The following SORCS3 variants were observed in gnomAD, a reference collection of about 807,000 sequenced individuals.
SORCS3 encodes the protein sortilin related VPS10 domain containing receptor 3.
In SORCS3, 57 loss-of-function variants were observed where a neutral mutation model predicts 146.3. That is an observed-to-expected ratio of 0.39 (90% CI 0.31 to 0.49). The LOEUF is 0.49. Ranked by LOEUF, SORCS3 falls within the 20% of genes least tolerant of loss-of-function variation. The pLI, the probability that SORCS3 is intolerant of heterozygous loss-of-function variation, is 0.92. For missense variants in SORCS3, 1,341 were observed against 1,575.5 expected, an observed-to-expected ratio of 0.85 and a Z score of 2.52; for synonymous variants, 653 against 618.5, an observed-to-expected ratio of 1.06 and a Z score of -0.83.
intron 4 of SORCS3, among the ~76,000 whole-genome samples, chr10:104,983,272 A>C (rs941105619): frequency 6.6e-6 from 1 of 151,138 alleles, no homozygotes; most frequent in Non-Finnish European, 1.5e-5. Flanking sequence ...AAATATTTGA[A>C]TTTACAGGTG....
chr10:104,713,622 C>G (rs1452296636), intron 1 of SORCS3, among the ~76,000 whole-genome samples: 3 of 152,160 alleles, frequency 2.0e-5, no homozygotes, highest in Non-Finnish European at 4.4e-5. Context: ...TTGAACCAAC[C>G]TTGCATATCT....
At chr10:105,059,693 GCTTGGGATCATCCATGTGA>G (rs1239298038) in intron 5 of SORCS3, among the ~76,000 whole-genome samples, 2 of 152,102 alleles carry the variant, frequency 1.3e-5, no homozygotes, top group African/African-American at 4.8e-5. Context: ...CAATCCCTTG[GCTTGGGATCATCCATGTGA>G]CTTGCTTTGG....
intron 1 of SORCS3, among the ~76,000 whole-genome samples, chr10:104,661,243 G>A (rs983194041): frequency 6.6e-6 from 1 of 152,044 alleles, no homozygotes; most frequent in African/African-American, 2.4e-5. Flanking sequence ...CCCAGAACAG[G>A]GGCCCATGGA....
At chr10:105,031,063 G>C (rs1362368455) in intron 4 of SORCS3, among the ~76,000 whole-genome samples, 5 of 151,504 alleles carry the variant, frequency 3.3e-5, no homozygotes, top group African/African-American at 7.3e-5. Flanking sequence ...GGGAGGCCGA[G>C]GTGGGCGGAT....
intron 4 of SORCS3, among the ~76,000 whole-genome samples, chr10:105,018,001 G>A (rs1056828053): frequency 6.6e-6 from 1 of 152,154 alleles, no homozygotes; most frequent in African/African-American, 2.4e-5. Flanking sequence ...ATGCTGTGTA[G>A]AGTAAGGAAT....
intron 5 of SORCS3, among the ~76,000 whole-genome samples, chr10:105,060,328 C>T (rs1361691592): frequency 6.6e-6 from 1 of 152,094 alleles, no homozygotes; most frequent in African/African-American, 2.4e-5. Flanking sequence ...AGTTCGGATT[C>T]TATGCTTGGA....
intron 5 of SORCS3, among the ~76,000 whole-genome samples, chr10:105,057,998 C>T (rs2055457399): frequency 6.6e-6 from 1 of 152,150 alleles, no homozygotes; most frequent in Admixed American, 6.5e-5. Flanking sequence ...GGGGCTTGTC[C>T]CACCTCCTCT....
chr10:104,727,442 G>A (rs767684316), intron 1 of SORCS3, among the ~76,000 whole-genome samples: 2 of 151,442 alleles, frequency 1.3e-5, no homozygotes, highest in Non-Finnish European at 2.9e-5. Flanking sequence ...CTATCCTTCT[G>A]TTTGTCCAGT....
At chr10:105,124,009 G>A (rs1338588662) in intron 7 of SORCS3, among the ~76,000 whole-genome samples, 1 of 152,166 alleles carries the variant, frequency 6.6e-6, no homozygotes, top group Non-Finnish European at 1.5e-5. Context: ...TTTTGCTTTT[G>A]AGACTAGGTC....
intron 5 of SORCS3, among the ~76,000 whole-genome samples, chr10:105,065,036 A>T (rs2055513397): frequency 6.6e-6 from 1 of 152,124 alleles, no homozygotes; most frequent in East Asian, 1.9e-4. Flanking sequence ...AAACTAAATC[A>T]CGTAGGGTGC....
At chr10:104,755,785 A>G (rs1274787516) in intron 1 of SORCS3, among the ~76,000 whole-genome samples, 1 of 152,192 alleles carries the variant, frequency 6.6e-6, no homozygotes, top group African/African-American at 2.4e-5. Context: ...GATGATGTAG[A>G]ATAATACCAT....
intron 14 of SORCS3, among the ~76,000 whole-genome samples, chr10:105,182,942 A>C (rs1283688254): frequency 6.6e-6 from 1 of 152,084 alleles, no homozygotes; most frequent in Non-Finnish European, 1.5e-5. Flanking sequence ...AGCTCAAGTG[A>C]TCTGCCCACC....
At chr10:104,654,609 C>T (rs2015602464) in intron 1 of SORCS3, among the ~76,000 whole-genome samples, 1 of 152,192 alleles carries the variant, frequency 6.6e-6, no homozygotes, top group Admixed American at 6.5e-5. Flanking sequence ...GTTTTGCTCT[C>T]ACATTGGCTT....
At chr10:104,741,696 C>G (rs1472980441) in intron 1 of SORCS3, among the ~76,000 whole-genome samples, 1 of 8,840 alleles carries the variant, frequency 1.1e-4, no homozygotes, top group African/African-American at 3.4e-4. Context: ...CCTTTCCATT[C>G]TGGGTTTTTT....
At chr10:104,977,542 T>G in intron 4 of SORCS3, 49 bp downstream of exon 4, 3 of 1,502,388 alleles carry the variant, frequency 2.0e-6, no homozygotes, top group Non-Finnish European at 2.7e-6. Context: ...GGTACCACCA[T>G]GTGAAAATCA....
chr10:105,006,202 A>G (rs1436184387), intron 4 of SORCS3, among the ~76,000 whole-genome samples: 1 of 152,164 alleles, frequency 6.6e-6, no homozygotes, highest in Non-Finnish European at 1.5e-5. Context: ...TCTGCCTTTC[A>G]AATTGCTGGG....
intron 12 of SORCS3, among the ~76,000 whole-genome samples, chr10:105,164,831 T>C (rs1469661056): frequency 1.3e-5 from 2 of 152,226 alleles, no homozygotes; most frequent in Non-Finnish European, 2.9e-5. Context: ...AAGTATTGTA[T>C]AGACTGTCTT....
chr10:105,262,484 G>T lies in SORCS3; in HGVS notation c.3597G>T (p.Arg1199=). Reference sequence around the variant, plus strand: ...TGCTGGACAAAGAGCTGGACACGCGGGTCATAGGTACATGCTCCTGCTCCA... The same window carrying T: ...TGCTGGACAAAGAGCTGGACACGCGTGTCATAGGTACATGCTCCTGCTCCA... ...EELLDKELDT[R]VIGGIATIAN... is the part of the protein sequence containing the mutation. The change falls in exon 26 of 27, where the codon CGG becomes CGT. Residue 1199 remains arginine, a synonymous_variant. Transcript: ENST00000369701. The T allele has an allele frequency of 4.3e-6, 7 of 1,613,310 alleles. No homozygotes were observed. The highest frequency in any genetic ancestry group is 1.7e-5 in the Admixed American group (1 of 59,976).
In SORCS3 at chr10:104,977,884, G is replaced by A. The variant is rs913042866; in HGVS notation, c.954+391G>A. Reference sequence around the variant, plus strand: ...GTGGCTCGGATTACAGGTGCCCACCGCCATGCCCAGCTAATTTTTGTATTT... The same window carrying A: ...GTGGCTCGGATTACAGGTGCCCACCACCATGCCCAGCTAATTTTTGTATTT... On this transcript the variant is annotated intron_variant, in intron 4 of 26. Transcript: ENST00000369701. Among the ~76,000 whole-genome samples, 8 of 151,264 alleles carry A rather than the reference G, an allele frequency of 5.3e-5. No individual in the cohort carries two copies. In the East Asian group the frequency reaches 7.8e-4, roughly 15 times the overall value.
Sources: allele counts gnomAD v4.1 joint callset (sites outside exome capture counted in the v4.1 genomes callset), GRCh38; gene constraint gnomAD v4.1.1; transcripts MANE v1.5; gene names NCBI Gene and HGNC (gene_info 2026-07-23, HGNC 2026-07-21).